UNC5D: variants seen among roughly 807,000 people sequenced by gnomAD.
UNC5D encodes unc-5 netrin receptor D, also known as netrin receptor UNC5D.
A neutral mutation model predicts 105.4 loss-of-function variants in UNC5D; 39 were observed. That is an observed-to-expected ratio of 0.37 (90% CI 0.29 to 0.48). The LOEUF is 0.48. UNC5D is among the 20% of genes least tolerant of loss of function. The probability of loss-of-function intolerance (pLI) is 0.98; values close to 1 mark genes in which losing one functional copy is unlikely to be tolerated. For synonymous variants in UNC5D, 452 were observed against 450.4 expected (o/e 1.00, Z -0.04); for missense variants, 991 against 1,202.4 (o/e 0.82, Z 2.60).
chr8:35,715,821 G>A (rs1437549153), intron 8 of UNC5D, among the ~76,000 whole-genome samples: 1 of 152,104 alleles, frequency 6.6e-6, no homozygotes, highest in African/African-American at 2.4e-5. Flanking sequence ...AAAATTGGGT[G>A]AAGGAACAGA....
intron 1 of UNC5D, chr8:35,256,334 T>A (rs1804071146): frequency 6.6e-6 from 1 of 152,184 alleles, no homozygotes; most frequent in African/African-American, 2.4e-5. Context: ...CTTTTTTTAA[T>A]ATACTTTAAA....
At chr8:35,420,531 A>G (rs370991699) in intron 1 of UNC5D, among the ~76,000 whole-genome samples, 1 of 152,206 alleles carries the variant, frequency 6.6e-6, no homozygotes, top group Non-Finnish European at 1.5e-5. Flanking sequence ...TGTTACCTCT[A>G]TTAATTGGAA....
At chr8:35,773,012 G>T (rs868207550) in intron 15 of UNC5D, among the ~76,000 whole-genome samples, 3 of 152,148 alleles carry the variant, frequency 2.0e-5, no homozygotes, top group Middle Eastern at 3.4e-3. Flanking sequence ...CTCCAGAAAA[G>T]ACCTATCTCT....
chr8:35,680,719 C>G (rs1825603254), intron 4 of UNC5D, among the ~76,000 whole-genome samples: 1 of 152,090 alleles, frequency 6.6e-6, no homozygotes, highest in African/African-American at 2.4e-5. Context: ...TCTTGATTTC[C>G]AGGTGCTAGG....
At chr8:35,287,441 A>C (rs80064791) in intron 1 of UNC5D, among the ~76,000 whole-genome samples, 3,267 of 152,292 alleles carry the variant, frequency 0.021, 124 homozygotes, top group African/African-American at 0.076. Context: ...CAAATAAAAA[A>C]ATCAAATGAA....
At chr8:35,410,009 G>GC (rs1563390099) in intron 1 of UNC5D, among the ~76,000 whole-genome samples, 13 of 150,396 alleles carry the variant, frequency 8.6e-5, no homozygotes, top group Non-Finnish European at 7.4e-5. Context: ...AATTTCCTTC[G>GC]CATGGCCTCC....
intron 4 of UNC5D, among the ~76,000 whole-genome samples, chr8:35,676,726 G>A (rs1825250668): frequency 6.6e-6 from 1 of 152,156 alleles, no homozygotes; most frequent in Admixed American, 6.5e-5. Context: ...GTGGGCAGTA[G>A]CACATATGCA....
intron 16 of UNC5D, among the ~76,000 whole-genome samples, chr8:35,778,405 G>A (rs1802354040): frequency 1.3e-5 from 2 of 152,262 alleles, no homozygotes; most frequent in South Asian, 4.1e-4. Flanking sequence ...ACTTCCCATT[G>A]TAAAAGCCCC....
At chr8:35,618,267 C>T (rs749566650) in intron 4 of UNC5D, among the ~76,000 whole-genome samples, 3 of 151,966 alleles carry the variant, frequency 2.0e-5, no homozygotes, top group African/African-American at 7.3e-5. Flanking sequence ...GTGGAGATGC[C>T]GTAGTTACAG....
At chr8:35,736,433 T>C (rs1829473409) in intron 11 of UNC5D, among the ~76,000 whole-genome samples, 1 of 152,204 alleles carries the variant, frequency 6.6e-6, no homozygotes, top group Admixed American at 6.5e-5. Context: ...TAACTAGATG[T>C]TACTGAACAG....
intron 1 of UNC5D, among the ~76,000 whole-genome samples, chr8:35,511,257 C>T (rs957047501): frequency 6.6e-6 from 1 of 152,032 alleles, no homozygotes; most frequent in Non-Finnish European, 1.5e-5. Flanking sequence ...TTCTGGCTAA[C>T]CTGTGGTAAT....
At chr8:35,643,889 TC>T in intron 4 of UNC5D, among the ~76,000 whole-genome samples, 1 of 152,284 alleles carries the variant, frequency 6.6e-6, no homozygotes, top group South Asian at 2.1e-4. Flanking sequence ...CTGCTCTTCA[TC>T]AGTCTCAGGG....
At chr8:35,729,435 ATAT>A (rs1329944011) in intron 10 of UNC5D, among the ~76,000 whole-genome samples, 2 of 152,288 alleles carry the variant, frequency 1.3e-5, no homozygotes, top group South Asian at 2.1e-4. Flanking sequence ...AATTGATTTA[ATAT>A]TATTATTGTT....
chr8:35,759,177 G>A (rs1830644883), intron 13 of UNC5D, 143 bp from the exon 14 acceptor site: 3 of 847,774 alleles, frequency 3.5e-6, no homozygotes, highest in Non-Finnish European at 5.4e-6. Context: ...GGACTATGGA[G>A]TTGTAAAGAA....
chr8:35,635,903 G>C (rs1013694662), intron 4 of UNC5D, among the ~76,000 whole-genome samples: 1 of 152,142 alleles, frequency 6.6e-6, no homozygotes, highest in African/African-American at 2.4e-5. Context: ...GAGGTGTGCT[G>C]AAAAGTGGCA....
intron 1 of UNC5D, among the ~76,000 whole-genome samples, chr8:35,497,773 G>T (rs1445494906): frequency 6.6e-6 from 1 of 151,908 alleles, no homozygotes; most frequent in Non-Finnish European, 1.5e-5. Context: ...TGTCCATTGA[G>T]ATAAGAGGAA....
intron 15 of UNC5D, among the ~76,000 whole-genome samples, chr8:35,769,059 GA>G (rs1214170389): frequency 6.6e-6 from 1 of 152,142 alleles, no homozygotes; most frequent in Non-Finnish European, 1.5e-5. Flanking sequence ...TTCTGTGTCA[GA>G]AGATGACTAA....
At chr8:35,633,098 C>T (rs1822142603) in intron 4 of UNC5D, among the ~76,000 whole-genome samples, 1 of 152,200 alleles carries the variant, frequency 6.6e-6, no homozygotes. Flanking sequence ...GGCTCTCTGC[C>T]TCCCCAATAG....
At chr8:35,547,927 A>C (rs1445733918) in intron 1 of UNC5D, among the ~76,000 whole-genome samples, 1 of 152,232 alleles carries the variant, frequency 6.6e-6, no homozygotes, top group Non-Finnish European at 1.5e-5. Context: ...CAAGGAAGCC[A>C]GTTCAAGTCC....
Sources: gnomAD v4.1 joint callset for allele counts (sites outside exome capture counted in the v4.1 genomes callset) on GRCh38, gnomAD v4.1.1 for gene constraint, MANE v1.5 for transcripts, NCBI Gene and HGNC (gene_info 2026-07-23, HGNC 2026-07-21) for gene names.